Variants in SPRTN observed in about 807,000 individuals in gnomAD.
SPRTN encodes the protein DNA-dependent metalloprotease SPRTN.
SPRTN carries 11 observed loss-of-function variants against 31.9 expected under a neutral mutation model. The observed-to-expected ratio is 0.34, with a 90% CI of 0.22 to 0.57. The LOEUF is 0.57. Among genes scored for constraint, SPRTN ranks in the 20% least tolerant of loss-of-function variants. The pLI, the probability that SPRTN is intolerant of heterozygous loss-of-function variation, is 0.86. For synonymous variants in SPRTN, 185 were observed against 212.1 expected (o/e 0.87, Z 1.11); for missense variants, 482 against 590.1 (o/e 0.82, Z 1.90).
Position 231,354,561 on chromosome 1 carries a change from C to A in SPRTN, c.*1200C>A. 1 of 183,834 alleles carries A rather than the reference C, an allele frequency of 5.4e-6. No homozygotes were observed. Among genetic ancestry groups the A allele is most frequent in the Non-Finnish European group, 1.0e-5 (1 of 96,902 alleles). 11.4% of individuals were successfully genotyped at this position (183,834 alleles called of 1,614,324 possible). On this transcript the variant is annotated 3_prime_UTR_variant, in exon 5 of 5. Transcript: ENST00000295050. ...GTCTGTTCCCAGTTGATACCCATGA[C>A]CCTCACCACCTCCAGAGGTCCCCAC...
At chr1:231,352,009 G>C in intron 4 of SPRTN, 4 of 996,342 alleles carry the variant, frequency 4.0e-6, no homozygotes, top group Non-Finnish European at 4.8e-6. Context: ...CTATCAGCTG[G>C]ATTCTATCCA....
intron 2 of SPRTN, chr1:231,340,176 C>A (rs1053963532): frequency 4.9e-5 from 10 of 203,688 alleles, no homozygotes; most frequent in Admixed American, 2.3e-4. Flanking sequence ...TCCTAGCCAA[C>A]ACGGTGAAAC....
Position 231,353,469 on chromosome 1 carries a change from T to C in SPRTN, c.*108T>C, listed in dbSNP as rs1687303448. ...TAAGATTTGTAGGTTATAATCTAGT[T>C]CACATAACCAATAGAAAGTGTCCTA... On this transcript the variant is annotated 3_prime_UTR_variant, in exon 5 of 5. Coordinates refer to ENST00000295050, the MANE Select transcript of SPRTN (RefSeq NM_032018.7). 2 of 1,442,508 alleles carry C rather than the reference T, an allele frequency of 1.4e-6. No individual in the cohort carries two copies. Among genetic ancestry groups the C allele is most frequent in the Non-Finnish European group, 1.8e-6 (2 of 1,105,942 alleles). 89.4% of individuals were successfully genotyped at this position (1,442,508 alleles called of 1,614,324 possible). A position where few individuals can be genotyped will look rare whatever the true frequency, so the allele number is the denominator to read the frequency against.
In SPRTN at chr1:231,351,156, C is replaced by T. The variant is rs1044106742; in HGVS notation, c.451-148C>T. On this transcript the variant is annotated intron_variant, in intron 3 of 4. Transcript: ENST00000295050. ...AACAGAAACTAAATATAGTTGCTTTCTCTCCTAAAATAGAACTTTTCAGAA... is the reference window on the plus strand; with the variant it reads ...AACAGAAACTAAATATAGTTGCTTTTTCTCCTAAAATAGAACTTTTCAGAA... The T allele has an allele frequency of 4.2e-5, 48 of 1,149,652 alleles. No homozygotes were observed. The African/African-American group carries it at 8.1e-4, about 19-fold the overall frequency. The allele number at this position is 1,149,652 out of a possible 1,614,324, so 71.2% of individuals were successfully genotyped here. A position where few individuals can be genotyped will look rare whatever the true frequency, so the allele number is the denominator to read the frequency against.
intron 2 of SPRTN, among the ~76,000 whole-genome samples, chr1:231,343,345 C>G (rs573221856): frequency 6.6e-6 from 1 of 151,594 alleles, no homozygotes; most frequent in South Asian, 2.1e-4. Context: ...ATATATATTA[C>G]ATAGGCTATA....
Position 231,354,300 on chromosome 1 carries a change from A to G in SPRTN, c.*939A>G. The stretch of plus-strand genomic sequence containing the variant: ...TCCATGTTATAGGGAAAGGACAAAG[A>G]GACTTTTATCAGTTTGCTTTTTGTC... On this transcript the variant is annotated 3_prime_UTR_variant, in exon 5 of 5. Coordinates refer to ENST00000295050, the MANE Select transcript of SPRTN (RefSeq NM_032018.7). 1 of 981,164 alleles carries G rather than the reference A, an allele frequency of 1.0e-6. No homozygotes were observed. The highest frequency in any genetic ancestry group is 1.1e-4 in the East Asian group (1 of 8,792). 60.8% of individuals were successfully genotyped at this position (981,164 alleles called of 1,614,324 possible).
chr1:231,343,521 G>C (rs1447557629), intron 2 of SPRTN, among the ~76,000 whole-genome samples: 3 of 152,122 alleles, frequency 2.0e-5, no homozygotes, highest in Non-Finnish European at 4.4e-5. Flanking sequence ...TGGTTGAGGA[G>C]GTCAAGAAAA....
chr1:231,339,909 CA>C (rs1686813731), intron 2 of SPRTN, 41 bp downstream of exon 2: 2 of 1,569,340 alleles, frequency 1.3e-6, no homozygotes, highest in East Asian at 4.5e-5. Context: ...CAGTAATTTA[CA>C]AATACTTGTC....
rs539151489 is a variant in SPRTN at position 231,348,065 on chromosome 1, A to C, written c.450+140A>C. 8.5e-4 allele frequency: 1,034 copies of C among 1,215,234 alleles called. 2 individuals are homozygous for C. Among genetic ancestry groups the C allele is most frequent in the Middle Eastern group, 1.3e-3 (6 of 4,472 alleles). The allele number at this position is 1,215,234 out of a possible 1,614,324, so 75.3% of individuals were successfully genotyped here. A position where few individuals can be genotyped will look rare whatever the true frequency, so the allele number is the denominator to read the frequency against. ...AGCGAACGAGAGGCCTAGAGAAGCA[A>C]ATTGGCTTGTCTGGGACTACATGGT... is the stretch of plus-strand genomic sequence containing the variant. On this transcript the variant is annotated intron_variant, in intron 3 of 4. Coordinates refer to ENST00000295050, the MANE Select transcript of SPRTN (RefSeq NM_032018.7).
Position 231,354,498 on chromosome 1 carries a change from G to A in SPRTN, c.*1137G>A, listed in dbSNP as rs1687335856. 1 of 597,660 alleles carries A rather than the reference G, an allele frequency of 1.7e-6. No homozygotes were observed. Among genetic ancestry groups the A allele is most frequent in the African/African-American group, 2.0e-5 (1 of 49,772 alleles). The allele number at this position is 597,660 out of a possible 1,614,324, so 37.0% of individuals were successfully genotyped here. Reference sequence around the variant, plus strand: ...TGTAACTACCACCCGGATCAAGTTAGAGAACACTTCCATTGCCACAGAAGG... The same window carrying A: ...TGTAACTACCACCCGGATCAAGTTAAAGAACACTTCCATTGCCACAGAAGG... On this transcript the variant is annotated 3_prime_UTR_variant, in exon 5 of 5. Transcript: ENST00000295050.
chr1:231,347,685 T>C lies in SPRTN; in HGVS notation c.322-112T>C, dbSNP rs1687102527. On this transcript the variant is annotated intron_variant, in intron 2 of 4. Coordinates refer to ENST00000295050, the MANE Select transcript of SPRTN (RefSeq NM_032018.7). ...GGCCTAGAATGAGTTTTATCAGTTC[T>C]GAAGGAAGCCTGTGATACAGAAAAG... The C allele has an allele frequency of 2.3e-6, 3 of 1,295,378 alleles. No individual in the cohort carries two copies. The Admixed American group carries it at 8.0e-5, about 35-fold the overall frequency. The allele number at this position is 1,295,378 out of a possible 1,614,324, so 80.2% of individuals were successfully genotyped here. A position where few individuals can be genotyped will look rare whatever the true frequency, so the allele number is the denominator to read the frequency against.
At chr1:231,345,934 T>G (rs1687044664) in intron 2 of SPRTN, among the ~76,000 whole-genome samples, 1 of 152,084 alleles carries the variant, frequency 6.6e-6, no homozygotes, top group South Asian at 2.1e-4. Context: ...CATCTCCGCC[T>G]CCTGAGTAGC....
At position 231,351,556 on chromosome 1, in the gene SPRTN, G is replaced by T. The variant is rs1212159482; in HGVS notation, c.703G>T (p.Ala235Ser). ...AAAACTAGGAAAGGAACCAGTATTG[G>T]CCGCAGAGAATAAAGGTACCTTCGT... Reference protein sequence around the residue: ...KAKLGKEPVLAAENKDKPNRG... With the variant: ...KAKLGKEPVLSAENKDKPNRG... The change falls in exon 4 of 5, where the codon GCC (alanine) becomes TCC (serine). Residue 235 changes from alanine to serine, a missense_variant. Coordinates refer to ENST00000295050, the MANE Select transcript of SPRTN (RefSeq NM_032018.7). The T allele has an allele frequency of 6.2e-7, 1 of 1,614,018 alleles. No homozygotes were observed. Among genetic ancestry groups the T allele is most frequent in the African/African-American group, 1.3e-5 (1 of 75,000 alleles).
Position 231,352,613 on chromosome 1 carries a change from A to C in SPRTN, c.722A>C (p.Lys241Thr). 1 of 1,561,656 alleles carries C rather than the reference A, an allele frequency of 6.4e-7. No homozygotes were observed. Among genetic ancestry groups the C allele is most frequent in the Non-Finnish European group, 8.6e-7 (1 of 1,158,946 alleles). The change falls in exon 5 of 5, where the codon AAA (lysine) becomes ACA (threonine). Residue 241 changes from lysine to threonine, a missense_variant. Lys to Thr is a moderately conservative substitution (Grantham distance 78). This residue lies in a region of SPRTN where 325 missense variants were observed against 350.2 expected (regional missense o/e 0.93). Coordinates refer to ENST00000295050, the MANE Select transcript of SPRTN (RefSeq NM_032018.7). ...ATCTTCTTTGCTTTTTTGGCAGATA[A>C]ACCCAACAGAGGTGAGGCCCAGCTA... ...EPVLAAENKD[K>T]PNRGEAQLVI...
intron 4 of SPRTN, chr1:231,352,272 A>G (rs1281194511): frequency 9.7e-6 from 10 of 1,026,834 alleles, no homozygotes; most frequent in Non-Finnish European, 1.2e-5. Flanking sequence ...GTAGAAGGAA[A>G]GATAAGAATG....
rs111353550 is a variant in SPRTN, at chr1:231,353,375, G to A, written c.*14G>A. 51 of 1,559,164 alleles carry A rather than the reference G, an allele frequency of 3.3e-5. No homozygotes were observed. In the African/African-American group the frequency reaches 4.8e-4, roughly 15 times the overall value. On this transcript the variant is annotated 3_prime_UTR_variant, in exon 5 of 5. Coordinates refer to ENST00000295050, the MANE Select transcript of SPRTN (RefSeq NM_032018.7). ...GAAAGTCTTTGAAAAAGGTTTCAAA[G>A]TCTCAAGTACCACCTGTATTATCTC...
intron 2 of SPRTN, among the ~76,000 whole-genome samples, chr1:231,342,567 A>T (rs1424784300): frequency 6.6e-6 from 1 of 151,388 alleles, no homozygotes; most frequent in African/African-American, 2.4e-5. Flanking sequence ...AGTAGCTGCG[A>T]TTAAAGGTGT....
chr1:231,339,543 C>G, intron 1 of SPRTN: 1 of 730,084 alleles, frequency 1.4e-6, no homozygotes, highest in Admixed American at 2.0e-5. Context: ...GTGGTGAGAG[C>G]ACGCTGCTTT....
intron 4 of SPRTN, 195 bp downstream of exon 4, chr1:231,351,766 A>G (rs2102874324): frequency 1.6e-6 from 2 of 1,229,404 alleles, no homozygotes; most frequent in South Asian, 3.4e-5. Flanking sequence ...CTCTGTACAG[A>G]AGTAAGTAAA....
Sources: gnomAD v4.1 joint callset for allele counts (sites outside exome capture counted in the v4.1 genomes callset) on GRCh38, gnomAD v4.1.1 for gene constraint, gnomAD v4.1.1 regional missense constraint, MANE v1.5 for transcripts, NCBI Gene and HGNC (gene_info 2026-07-23, HGNC 2026-07-21) for gene names.